FCRLB: variants seen among roughly 807,000 people sequenced by gnomAD.
FCRLB encodes the protein Fc receptor like B.
In FCRLB, 34 loss-of-function variants were observed where a neutral mutation model predicts 33.6. The ratio of observed to expected loss-of-function variants is 1.01; its 90% confidence interval spans 0.77 to 1.35. FCRLB has a LOEUF of 1.35. Ranked by LOEUF, FCRLB falls within the 40% of genes most tolerant of loss-of-function variation. The probability of loss-of-function intolerance (pLI) is 0.00; values close to 1 mark genes in which losing one functional copy is unlikely to be tolerated. For missense variants in FCRLB, 560 were observed against 580.2 expected (o/e 0.97, Z 0.36); for synonymous variants, 280 against 255.9 (o/e 1.09, Z -0.90).
intron 5 of FCRLB, among the ~76,000 whole-genome samples, chr1:161,724,509 A>C (rs2101676221): frequency 1.3e-5 from 2 of 151,820 alleles, no homozygotes; most frequent in South Asian, 4.2e-4. Context: ...AGGCATGAGA[A>C]TTGTTTGAAC....
chr1:161,726,624 G>C lies in FCRLB; in HGVS notation c.575-79G>C. The stretch of plus-strand genomic sequence containing the variant: ...CCCTTGGTCTGTGGGTCTGCAAGGA[G>C]CCCTCGCGGGAAGCAGGAAGGAGCG... On this transcript the variant is annotated intron_variant, in intron 6 of 7. Transcript: ENST00000367948. The surrounding 1 kb of genome is among the most constrained non-coding windows in gnomAD (Gnocchi z 5.2). 6.5e-7 allele frequency: 1 copy of C among 1,532,464 alleles called. No individual in the cohort carries two copies. The highest frequency in any genetic ancestry group is 1.2e-5 in the South Asian group (1 of 83,664). The allele number at this position is 1,532,464 out of a possible 1,614,324, so 94.9% of individuals were successfully genotyped here. A position where few individuals can be genotyped will look rare whatever the true frequency, so the allele number is the denominator to read the frequency against.
chr1:161,723,123 C>T (rs1202549626), intron 4 of FCRLB, 114 bp downstream of exon 4: 6 of 1,373,588 alleles, frequency 4.4e-6, no homozygotes, highest in African/African-American at 1.4e-5. Context: ...GTGTCTCTTC[C>T]CACTCTCGTC....
chr1:161,723,556 G>A, exon 5 of FCRLB: 2 of 1,614,186 alleles, frequency 1.2e-6, no homozygotes, highest in South Asian at 1.1e-5. Context: ...CAGACACCAG[G>A]GGTGTATCGA....
Position 161,723,365 on chromosome 1 carries a change from A to T in FCRLB, c.53-2A>T. The stretch of plus-strand genomic sequence containing the variant: ...CCCCTCTCACCCCACTCCCCACCCC[A>T]GCTACTCTGGAGAAGCCCATATTGT... On this transcript the variant is annotated splice_acceptor_variant, in intron 4 of 7. Coordinates refer to ENST00000367948, the Ensembl canonical transcript of FCRLB. LOFTEE classifies it high-confidence loss of function. The T allele has an allele frequency of 3.1e-6, 5 of 1,613,444 alleles. No individual in the cohort carries two copies. The highest frequency in any genetic ancestry group is 4.2e-6 in the Non-Finnish European group (5 of 1,179,682).
chr1:161,727,767 T>C, exon 8 of FCRLB: 2 of 1,407,422 alleles, frequency 1.4e-6, no homozygotes, highest in Non-Finnish European at 1.9e-6. Context: ...TGTGTTTTGC[T>C]GTGGTTTTTA....
chr1:161,727,470 G>A lies in FCRLB; in HGVS notation c.1089G>A (p.Ser363=), dbSNP rs778464981. The change falls in exon 8 of 8, where the codon TCG becomes TCA. Residue 363 remains serine (S), a synonymous_variant. Coordinates refer to ENST00000367948, the Ensembl canonical transcript of FCRLB. ...CTCCGCCGACGCCCTTGGAACAATC[G>A]GCTGGAGCCCTGAAACCCGACGTGG... The A allele has an allele frequency of 3.5e-5, 56 of 1,613,970 alleles. No homozygotes were observed. The South Asian group carries it at 5.4e-4, about 16-fold the overall frequency.
intron 3 of FCRLB, 128 bp downstream of exon 3, chr1:161,722,831 G>C (rs999663935): frequency 6.7e-7 from 1 of 1,492,590 alleles, no homozygotes; most frequent in Non-Finnish European, 9.2e-7. Context: ...TTTTGGAGGG[G>C]TGAAGAAGAA....
chr1:161,727,667 G>A, exon 8 of FCRLB: 2 of 1,584,298 alleles, frequency 1.3e-6, no homozygotes, highest in Non-Finnish European at 1.7e-6. Context: ...AGCTGAGGGG[G>A]CGGCTACCGT....
chr1:161,722,896 G>T, intron 3 of FCRLB, 93 bp from the exon 4 acceptor site: 2 of 1,573,186 alleles, frequency 1.3e-6, no homozygotes. Flanking sequence ...ACAGGTTTTG[G>T]GACCATTCAG....
Position 161,723,350 on chromosome 1 carries a change from C to A in FCRLB, c.53-17C>A, listed in dbSNP as rs530126963. ...CTCTTTGCATGCTGCCCCCTCTCAC[C>A]CCACTCCCCACCCCAGCTACTCTGG... is the stretch of plus-strand genomic sequence containing the variant. On this transcript the variant is annotated splice_polypyrimidine_tract_variant and intron_variant, in intron 4 of 7. Coordinates refer to ENST00000367948, the Ensembl canonical transcript of FCRLB. The A allele has an allele frequency of 1.9e-6, 3 of 1,612,182 alleles. No homozygotes were observed. Among genetic ancestry groups the A allele is most frequent in the South Asian group, 2.2e-5 (2 of 90,924 alleles).
At chr1:161,724,829 C>G (rs1683487844) in intron 5 of FCRLB, among the ~76,000 whole-genome samples, 1 of 152,124 alleles carries the variant, frequency 6.6e-6, no homozygotes, top group African/African-American at 2.4e-5. Flanking sequence ...CTATAATGAT[C>G]ACAGGGTAAT....
chr1:161,726,774 G>A lies in FCRLB; in HGVS notation c.646G>A (p.Val216Met). 1 of 1,577,698 alleles carries A rather than the reference G, an allele frequency of 6.3e-7. No homozygotes were observed. The highest frequency in any genetic ancestry group is 1.3e-5 in the African/African-American group (1 of 74,212). ...CCGCGGCGCGGCGCTGGGTGGGGTG[G>A]TGCTGCGCTGCGACACGCGCCTGCA... The change falls in exon 7 of 8, where the codon GTG (valine) becomes ATG (methionine). Residue 216 changes from valine (V) to methionine (M), a missense_variant. Val to Met is a conservative substitution (Grantham distance 21, BLOSUM62 1). Transcript: ENST00000367948. The surrounding 1 kb of genome is among the most constrained non-coding windows in gnomAD (Gnocchi z 5.2).
chr1:161,723,862 C>T (rs1392817231), intron 5 of FCRLB, among the ~76,000 whole-genome samples: 1 of 152,182 alleles, frequency 6.6e-6, no homozygotes, highest in Non-Finnish European at 1.5e-5. Context: ...ACAGTGTGAA[C>T]ATTTCTGTTT....
rs369928909 is a variant in FCRLB, at chr1:161,726,893, G to A, written c.765G>A (p.Pro255=). 1.3e-6 allele frequency: 2 copies of A among 1,586,988 alleles called. No individual in the cohort carries two copies. The highest frequency in any genetic ancestry group is 1.7e-6 in the Non-Finnish European group (2 of 1,166,168). Residue 255 remains proline (P), a synonymous_variant, in exon 7 of 8, where the codon CCG becomes CCA. Coordinates refer to ENST00000367948, the Ensembl canonical transcript of FCRLB. The surrounding 1 kb of genome is among the most constrained non-coding windows in gnomAD (Gnocchi z 5.2). ...ACTGGGGCGCCGAGTACACAGTCCC[G>A]GAGCCCGAGGTCGAGGAGCTCGAAT...
At chr1:161,722,296 A>G (rs1683398206) in intron 2 of FCRLB, among the ~76,000 whole-genome samples, 1 of 152,068 alleles carries the variant, frequency 6.6e-6, no homozygotes, top group African/African-American at 2.4e-5. Flanking sequence ...TGGAGAAGGG[A>G]TGGGATGGGA....
Position 161,727,481 on chromosome 1 carries a change from T to G in FCRLB, c.1100T>G (p.Leu367Arg). The change falls in exon 8 of 8, where the codon CTG becomes CGG. Residue 367 changes from leucine (L) to arginine (R), a missense_variant. Physicochemically the swap from Leu to Arg is moderately radical, Grantham distance 102. Coordinates refer to ENST00000367948, the Ensembl canonical transcript of FCRLB. ...CCCTTGGAACAATCGGCTGGAGCCC[T>G]GAAACCCGACGTGGACCTTCTGCTC... is the stretch of plus-strand genomic sequence containing the variant. 2.5e-6 allele frequency: 4 copies of G among 1,614,072 alleles called. No individual in the cohort carries two copies. The highest frequency in any genetic ancestry group is 3.4e-6 in the Non-Finnish European group (4 of 1,179,994).
rs772102146 is a variant in FCRLB at position 161,726,977 on chromosome 1, G to C, written c.849G>C (p.Leu283=). 1 of 1,527,634 alleles carries C rather than the reference G, an allele frequency of 6.5e-7. No individual in the cohort carries two copies. Among genetic ancestry groups the C allele is most frequent in the Non-Finnish European group, 8.8e-7 (1 of 1,137,098 alleles). The allele number at this position is 1,527,634 out of a possible 1,614,324, so 94.6% of individuals were successfully genotyped here. ...GTGTCCGGAAACGCAGTCCGTGGCTGCAGCTCCCGGGGCCGGGTGAGTGCC... is the reference window on the plus strand; with the variant it reads ...GTGTCCGGAAACGCAGTCCGTGGCTCCAGCTCCCGGGGCCGGGTGAGTGCC... Residue 283 remains leucine, a synonymous_variant, in exon 7 of 8, where the codon CTG becomes CTC. Coordinates refer to ENST00000367948, the Ensembl canonical transcript of FCRLB. The surrounding 1 kb of genome is among the most constrained non-coding windows in gnomAD (Gnocchi z 5.2).
At chr1:161,722,841 AG>A in intron 3 of FCRLB, 138 bp downstream of exon 3, 1 of 1,486,944 alleles carries the variant, frequency 6.7e-7, no homozygotes, top group Non-Finnish European at 9.2e-7. Context: ...GTGAAGAAGA[AG>A]GGGCTTTCTC....
In FCRLB at chr1:161,726,222, T is replaced by A; in HGVS notation, c.574+135T>A. 1 of 1,397,944 alleles carries A rather than the reference T, an allele frequency of 7.2e-7. No individual in the cohort carries two copies. Among genetic ancestry groups the A allele is most frequent in the Non-Finnish European group, 9.9e-7 (1 of 1,009,132 alleles). 86.6% of individuals were successfully genotyped at this position (1,397,944 alleles called of 1,614,324 possible). A position where few individuals can be genotyped will look rare whatever the true frequency, so the allele number is the denominator to read the frequency against. Reference sequence around the variant, plus strand: ...AGGGTTTCTCTTAGACTATGGACGCTGTCTCCTCTCCTTTGCCGTGAAGCA... The same window carrying A: ...AGGGTTTCTCTTAGACTATGGACGCAGTCTCCTCTCCTTTGCCGTGAAGCA... On this transcript the variant is annotated intron_variant, in intron 6 of 7. Transcript: ENST00000367948. The surrounding 1 kb of genome is among the most constrained non-coding windows in gnomAD (Gnocchi z 5.2).
Sources: gnomAD v4.1 joint callset for allele counts (sites outside exome capture counted in the v4.1 genomes callset) on GRCh38, gnomAD v4.1.1 for gene constraint, Gnocchi (gnomAD v3.1) non-coding constraint, MANE v1.5 for transcripts, NCBI Gene and HGNC (gene_info 2026-07-23, HGNC 2026-07-21) for gene names.